The following PDE1A variants were observed in gnomAD, a reference collection of about 807,000 sequenced individuals.
PDE1A encodes the protein phosphodiesterase 1A.
Under a neutral mutation model 61.7 loss-of-function variants are expected in PDE1A, and 35 were observed. The ratio of observed to expected loss-of-function variants is 0.57; its 90% CI spans 0.43 to 0.75. The LOEUF (loss-of-function observed/expected upper bound fraction) is 0.75, where lower values mean the gene tolerates loss of function less well. PDE1A is among the 30% of genes least tolerant of loss of function. The pLI is 0.00. For synonymous variants in PDE1A, 232 were observed against 213.2 expected (o/e 1.09, Z -0.77); for missense variants, 597 against 630.6 (o/e 0.95, Z 0.57).
the PDE1A span, among the ~76,000 whole-genome samples, chr2:182,714,200 A>G: frequency 6.6e-6 from 1 of 152,248 alleles, no homozygotes; most frequent in Admixed American, 6.5e-5. Flanking sequence ...AGTAAATAAA[A>G]TGAACAAAAA....
the PDE1A span, among the ~76,000 whole-genome samples, chr2:182,550,817 G>A: frequency 6.6e-6 from 1 of 152,288 alleles, no homozygotes. Context: ...GAGAGCATGA[G>A]AGTCTCCTGT....
chr2:182,422,612 A>G (rs1247281525), intron 1 of PDE1A, among the ~76,000 whole-genome samples: 1 of 152,228 alleles, frequency 6.6e-6, no homozygotes. Flanking sequence ...TAAGGTGGAA[A>G]TGTCTTCAAC....
chr2:182,692,674 T>TATATATATATATAAAATATATATATGTA, the PDE1A span, among the ~76,000 whole-genome samples: 1 of 147,154 alleles, frequency 6.8e-6, no homozygotes, highest in African/African-American at 2.5e-5. Flanking sequence ...ATAATAAAAA[T>TATATATATATATAAAATATATATATGTA]ATATATATAT....
At chr2:182,572,768 G>GC in the PDE1A span, among the ~76,000 whole-genome samples, 4 of 151,290 alleles carry the variant, frequency 2.6e-5, no homozygotes, top group South Asian at 4.2e-4. Context: ...TACTCGGGAG[G>GC]TGAGGCAGGA....
intron 7 of PDE1A, among the ~76,000 whole-genome samples, chr2:182,218,627 G>T (rs1250087453): frequency 3.3e-5 from 5 of 152,038 alleles, no homozygotes; most frequent in Admixed American, 6.6e-5. Flanking sequence ...ATCAAGTTAA[G>T]GAAGGTCCTC....
At chr2:182,501,960 C>G (rs981472970) in intron 2 of PDE1A, among the ~76,000 whole-genome samples, 1 of 152,136 alleles carries the variant, frequency 6.6e-6, no homozygotes, top group Admixed American at 6.6e-5. Context: ...ATGGAAACAG[C>G]TGAACTGAAC....
chr2:182,708,055 G>A, the PDE1A span, among the ~76,000 whole-genome samples: 2 of 152,074 alleles, frequency 1.3e-5, no homozygotes, highest in South Asian at 4.2e-4. Flanking sequence ...TTAAGGTGAT[G>A]GATATGCTAT....
chr2:182,594,309 C>G, the PDE1A span, among the ~76,000 whole-genome samples: 10 of 152,186 alleles, frequency 6.6e-5, no homozygotes, highest in Non-Finnish European at 1.3e-4. Context: ...ATGTGGACAT[C>G]TCTAGATAGA....
intron 13 of PDE1A, among the ~76,000 whole-genome samples, chr2:182,159,277 GA>G (rs1691252387): frequency 1.3e-5 from 2 of 152,162 alleles, no homozygotes; most frequent in African/African-American, 4.8e-5. Context: ...ATCCTTAACA[GA>G]AAGTATTTAG....
intron 1 of PDE1A, among the ~76,000 whole-genome samples, chr2:182,342,325 T>C (rs1231477416): frequency 6.6e-6 from 1 of 152,116 alleles, no homozygotes; most frequent in Non-Finnish European, 1.5e-5. Flanking sequence ...GTTACATAGG[T>C]AAGCACGTGT....
intron 3 of PDE1A, among the ~76,000 whole-genome samples, chr2:182,238,746 C>T (rs1355080679): frequency 1.3e-5 from 2 of 152,100 alleles, no homozygotes; most frequent in Non-Finnish European, 2.9e-5. Flanking sequence ...ACCTGAAGAA[C>T]AATTTTATAC....
chr2:182,577,931 CGGAAGGAAGGAAGGAAGGAAGGAA>C, the PDE1A span, among the ~76,000 whole-genome samples: 300 of 82,226 alleles, frequency 3.6e-3, 3 homozygotes, highest in African/African-American at 0.013. Context: ...AGAAAGAAAA[CGGAAGGAAGGAAGGAAGGAAGGAA>C]GGAAGGAAGG....
At chr2:182,321,262 C>T (rs1015312002) in intron 1 of PDE1A, among the ~76,000 whole-genome samples, 4 of 152,106 alleles carry the variant, frequency 2.6e-5, no homozygotes, top group African/African-American at 9.7e-5. Context: ...CCAGAATTTT[C>T]GAGCTCTCCT....
intron 1 of PDE1A, among the ~76,000 whole-genome samples, chr2:182,331,642 A>G (rs1324623663): frequency 2.0e-5 from 3 of 152,142 alleles, no homozygotes; most frequent in African/African-American, 7.2e-5. Flanking sequence ...TCTGGGTTGA[A>G]AGTTCTTTTC....
chr2:182,146,241 G>A (rs1361048488), downstream of PDE1A, among the ~76,000 whole-genome samples: 1 of 152,020 alleles, frequency 6.6e-6, no homozygotes, highest in Non-Finnish European at 1.5e-5. Flanking sequence ...TTAATAATTT[G>A]GTAGACTGAA....
At chr2:182,292,858 T>A (rs1411470974) in intron 1 of PDE1A, among the ~76,000 whole-genome samples, 3 of 152,032 alleles carry the variant, frequency 2.0e-5, no homozygotes, top group Admixed American at 2.0e-4. Context: ...TAGCATAGCT[T>A]TTTGTTATAA....
chr2:182,264,528 G>A, intron 1 of PDE1A, 114 bp from the exon 2 acceptor site: 1 of 656,408 alleles, frequency 1.5e-6, no homozygotes, highest in African/African-American at 1.8e-5. Flanking sequence ...GCTATTTCTA[G>A]GTCAACAAAT....
intron 1 of PDE1A, among the ~76,000 whole-genome samples, chr2:182,399,212 A>G (rs1701866754): frequency 6.6e-6 from 1 of 151,772 alleles, no homozygotes; most frequent in Admixed American, 6.6e-5. Context: ...TTTCTTCACT[A>G]ATATAGTTTA....
chr2:182,214,072 G>A (rs879668427), intron 7 of PDE1A, among the ~76,000 whole-genome samples: 2,273 of 147,968 alleles, frequency 0.015, 30 homozygotes, highest in African/African-American at 0.03. Context: ...CGGATCTCTC[G>A]GCAGAAACCC....
Sources: allele counts gnomAD v4.1 joint callset (sites outside exome capture counted in the v4.1 genomes callset), GRCh38; gene constraint gnomAD v4.1.1; transcripts MANE v1.5; gene names NCBI Gene and HGNC (gene_info 2026-07-23, HGNC 2026-07-21).